RYR2: variants seen among roughly 807,000 people sequenced by gnomAD.
RYR2 encodes cardiac muscle ryanodine receptor-calcium release channel.
A neutral mutation model predicts 601.1 loss-of-function variants in RYR2; 227 were observed. The ratio of observed to expected loss-of-function variants is 0.38; its 90% CI spans 0.34 to 0.42. The LOEUF (loss-of-function observed/expected upper bound fraction) is 0.42, where lower values mean the gene tolerates loss of function less well. Among genes scored for constraint, RYR2 ranks in the 10% least tolerant of loss-of-function variants. The probability of loss-of-function intolerance (pLI) is 1.00; values close to 1 mark genes in which losing one functional copy is unlikely to be tolerated. For missense variants in RYR2, 4,646 were observed against 6,156.5 expected (o/e 0.75, Z 8.21); for synonymous variants, 2,223 against 2,175.1 (o/e 1.02, Z -0.61).
At chr1:237,344,179 T>C (rs1026601206) in intron 3 of RYR2, among the ~76,000 whole-genome samples, 2 of 152,140 alleles carry the variant, frequency 1.3e-5, no homozygotes, top group Middle Eastern at 3.2e-3. Context: ...TAGGAAGAAA[T>C]ATGTGCAGCT....
At position 237,709,085 on chromosome 1, in the gene RYR2, G is replaced by A. The variant is rs1558263250; in HGVS notation, c.10129G>A (p.Val3377Met). 2 of 1,585,658 alleles carry A rather than the reference G, an allele frequency of 1.3e-6. No individual in the cohort carries two copies. Among genetic ancestry groups the A allele is most frequent in the Non-Finnish European group, 8.6e-7 (1 of 1,165,424 alleles). ...CTTCTACCCTCTCTTGATTAGATTT[G>A]TGGACTATAACAGGTATGATCAAAA... is the stretch of plus-strand genomic sequence containing the variant. ...YAFYPLLIRF[V>M]DYNRAKWLKE... is the part of the protein sequence containing the mutation. Residue 3377 changes from valine (V) to methionine (M), a missense_variant, in exon 69 of 105, where the codon GTG becomes ATG. This residue lies in a region of RYR2 where 1,497 missense variants were observed against 1,842.6 expected (regional missense o/e 0.81). Coordinates refer to ENST00000366574, the MANE Select transcript of RYR2 (RefSeq NM_001035.3).
chr1:237,482,651 C>G (rs928160853), intron 17 of RYR2, among the ~76,000 whole-genome samples: 3 of 152,158 alleles, frequency 2.0e-5, no homozygotes, highest in African/African-American at 7.2e-5. Context: ...ATGAACAGTA[C>G]TGCAACCACC....
At chr1:237,432,560 G>A (rs551888905) in intron 12 of RYR2, among the ~76,000 whole-genome samples, 2 of 152,198 alleles carry the variant, frequency 1.3e-5, no homozygotes, top group South Asian at 2.1e-4. Context: ...CAAATTCTTC[G>A]AAATTCTGCT....
At chr1:237,310,176 G>C (rs11582513) in intron 2 of RYR2, among the ~76,000 whole-genome samples, 51,468 of 152,050 alleles carry the variant, frequency 0.34, 8,946 homozygotes, top group South Asian at 0.51. Flanking sequence ...CAGATTGGGA[G>C]CGCTTTTCTG....
At chr1:237,045,736 T>A (rs1254561700) in intron 1 of RYR2, among the ~76,000 whole-genome samples, 1 of 151,830 alleles carries the variant, frequency 6.6e-6, no homozygotes, top group Admixed American at 6.6e-5. Context: ...AAACTGTCAT[T>A]TGGCATTTAA....
At chr1:237,601,101 G>A (rs1341414281) in intron 34 of RYR2, among the ~76,000 whole-genome samples, 1 of 152,136 alleles carries the variant, frequency 6.6e-6, no homozygotes, top group Admixed American at 6.6e-5. Flanking sequence ...CCAAGGAAAG[G>A]AAATCAGTGT....
chr1:237,830,308 C>T, intron 102 of RYR2: 1 of 437,056 alleles, frequency 2.3e-6, no homozygotes, highest in Non-Finnish European at 4.2e-6. Flanking sequence ...CTGTCTGCGT[C>T]TGCTACTTCT....
intron 63 of RYR2, among the ~76,000 whole-genome samples, chr1:237,697,439 A>G (rs912016386): frequency 2.8e-5 from 4 of 142,788 alleles, no homozygotes; most frequent in African/African-American, 1.0e-4. Flanking sequence ...TATATAATAT[A>G]TATTTATGTA....
chr1:237,791,993 C>A, intron 93 of RYR2, 112 bp from the exon 94 acceptor site: 1 of 741,968 alleles, frequency 1.3e-6, no homozygotes, highest in Non-Finnish European at 2.3e-6. Context: ...TTTCATTATG[C>A]AGTGACTTCA....
chr1:237,622,282 G>A (rs574082928), intron 38 of RYR2, among the ~76,000 whole-genome samples: 43 of 152,206 alleles, frequency 2.8e-4, no homozygotes, highest in African/African-American at 7.2e-4. Context: ...TGTTAGCAGC[G>A]CGTAGTTATC....
At chr1:237,330,635 A>T (rs558615492) in intron 2 of RYR2, among the ~76,000 whole-genome samples, 2 of 152,060 alleles carry the variant, frequency 1.3e-5, no homozygotes, top group African/African-American at 2.4e-5. Context: ...TGATCCGCCC[A>T]CCTCGGCCTC....
chr1:237,264,847 C>CA (rs1424895861), intron 1 of RYR2, among the ~76,000 whole-genome samples: 1 of 151,408 alleles, frequency 6.6e-6, no homozygotes, highest in African/African-American at 2.4e-5. Context: ...AGGTACCCAC[C>CA]ACCATGCCTG....
chr1:237,188,030 G>A (rs1045047672), intron 1 of RYR2, among the ~76,000 whole-genome samples: 4 of 152,102 alleles, frequency 2.6e-5, no homozygotes, highest in Non-Finnish European at 5.9e-5. Flanking sequence ...CACTAAAGCG[G>A]CATGACTCAG....
intron 101 of RYR2, among the ~76,000 whole-genome samples, chr1:237,825,438 G>C (rs1662984208): frequency 6.6e-6 from 1 of 152,114 alleles, no homozygotes; most frequent in African/African-American, 2.4e-5. Flanking sequence ...TTAATAAATT[G>C]TGTTGAGAAA....
chr1:237,296,717 G>A lies in RYR2; in HGVS notation c.168+26101G>A, dbSNP rs1024506957. Among the ~76,000 whole-genome samples, 55 of 152,274 alleles carry A rather than the reference G, an allele frequency of 3.6e-4. 1 individual carries two copies. Among genetic ancestry groups the A allele is most frequent in the Non-Finnish European group, 5.7e-4 (39 of 68,022 alleles). On this transcript the variant is annotated intron_variant, in intron 2 of 104. Transcript: ENST00000366574. ...TTATGGTATTTAAAACCACAGGTTG[G>A]TGTGAGAATCACCTGCAGGAATATG...
intron 1 of RYR2, among the ~76,000 whole-genome samples, chr1:237,204,092 C>A (rs534365700): frequency 1.4e-4 from 22 of 152,318 alleles, no homozygotes; most frequent in South Asian, 8.3e-4. Flanking sequence ...CGCACTGCAA[C>A]CTTCTCCTCC....
chr1:237,086,992 C>A (rs1572584186), intron 1 of RYR2, among the ~76,000 whole-genome samples: 1 of 152,118 alleles, frequency 6.6e-6, no homozygotes, highest in Admixed American at 6.5e-5. Context: ...GCTTGTTGTG[C>A]CAGAGAGTTC....
intron 47 of RYR2, 42 bp from the exon 48 acceptor site, chr1:237,643,285 A>C (rs753764958): frequency 3.1e-6 from 5 of 1,599,484 alleles, no homozygotes; most frequent in Non-Finnish European, 4.3e-6. Context: ...TGTAACATTG[A>C]TGTCACAAAG....
chr1:237,291,587 A>T (rs924943322), intron 2 of RYR2, among the ~76,000 whole-genome samples: 1 of 152,178 alleles, frequency 6.6e-6, no homozygotes, highest in South Asian at 2.1e-4. Context: ...AGACAATGGG[A>T]TATTATTCAG....
Sources: allele counts gnomAD v4.1 joint callset (sites outside exome capture counted in the v4.1 genomes callset), GRCh38; gene constraint gnomAD v4.1.1; regional missense constraint gnomAD v4.1.1; transcripts MANE v1.5; gene names NCBI Gene and HGNC (gene_info 2026-07-23, HGNC 2026-07-21).